ARHGAP28: variants seen among roughly 807,000 people sequenced by gnomAD.
The protein encoded by ARHGAP28 is rho GTPase-activating protein 28.
A neutral mutation model predicts 90.7 loss-of-function variants in ARHGAP28; 56 were observed. The ratio of observed to expected loss-of-function variants is 0.62; its 90% CI spans 0.50 to 0.77. The LOEUF is 0.77. Ranked by LOEUF, ARHGAP28 falls within the 30% of genes least tolerant of loss-of-function variation. The probability of loss-of-function intolerance (pLI) is 0.00; values close to 1 mark genes in which losing one functional copy is unlikely to be tolerated. For missense variants in ARHGAP28, 869 were observed against 900.9 expected (o/e 0.96, Z 0.45); for synonymous variants, 308 against 323.3 (o/e 0.95, Z 0.51).
At chr18:6,763,476 T>C (rs2143350698) in intron 1 of ARHGAP28, among the ~76,000 whole-genome samples, 1 of 152,320 alleles carries the variant, frequency 6.6e-6, no homozygotes, top group African/African-American at 2.4e-5. Context: ...ATCTTTTTCC[T>C]CAGTTCTTAT....
At chr18:6,784,097 G>A (rs370483604) in intron 1 of ARHGAP28, among the ~76,000 whole-genome samples, 40 of 151,932 alleles carry the variant, frequency 2.6e-4, no homozygotes, top group East Asian at 9.7e-4. Context: ...ACTTTCTCCC[G>A]GGAGCCCAGT....
chr18:6,753,000 G>T (rs2056082287), intron 1 of ARHGAP28, among the ~76,000 whole-genome samples: 2 of 151,644 alleles, frequency 1.3e-5, no homozygotes, highest in African/African-American at 4.8e-5. Context: ...TTTTAATGAA[G>T]TATTAATAGA....
chr18:6,828,635 G>A (rs1366239957), intron 2 of ARHGAP28, among the ~76,000 whole-genome samples: 1 of 152,128 alleles, frequency 6.6e-6, no homozygotes, highest in Non-Finnish European at 1.5e-5. Context: ...TCATTCTTCT[G>A]CATATGGCTG....
chr18:6,867,392 A>G (rs540305704), intron 5 of ARHGAP28, among the ~76,000 whole-genome samples: 8 of 152,220 alleles, frequency 5.3e-5, no homozygotes, highest in Admixed American at 2.6e-4. Context: ...AGATTTCACT[A>G]TCACACATAT....
rs1555631525 is a variant in ARHGAP28 at position 6,841,203 on chromosome 18, CCTCTCCTCT to C, written c.543+3795_543+3803del. ...CTCCTCTCTCTCTCTCTCTCTCTCT[CCTCTCCTCT>C]CTCTCTCTCTCCCCCCAACCCGCCC... On this transcript the variant is annotated intron_variant, in intron 3 of 17. Transcript: ENST00000383472. Among the ~76,000 whole-genome samples, 18 of 41,974 alleles carry C rather than the reference CCTCTCCTCT, an allele frequency of 4.3e-4. No homozygotes were observed. In the East Asian group the frequency reaches 5.4e-3, roughly 13 times the overall value. The allele number at this position is 41,974 out of a possible 152,430, so 27.5% of individuals were successfully genotyped here.
chr18:6,809,051 G>A (rs1384152935), intron 1 of ARHGAP28, among the ~76,000 whole-genome samples: 1 of 152,170 alleles, frequency 6.6e-6, no homozygotes, highest in African/African-American at 2.4e-5. Flanking sequence ...CTTCACCTCA[G>A]TGAGACTACT....
intron 1 of ARHGAP28, among the ~76,000 whole-genome samples, chr18:6,737,518 C>G (rs892767243): frequency 6.6e-6 from 1 of 152,124 alleles, no homozygotes; most frequent in African/African-American, 2.4e-5. Context: ...CAGCTTGTTA[C>G]AACTATGTAA....
chr18:6,795,949 C>A (rs1361874438), intron 1 of ARHGAP28, among the ~76,000 whole-genome samples: 1 of 152,208 alleles, frequency 6.6e-6, no homozygotes, highest in Non-Finnish European at 1.5e-5. Context: ...AACATTGGAA[C>A]CTAAATCAAA....
chr18:6,841,188 T>TCTC lies in ARHGAP28; in HGVS notation c.543+3775_543+3777dup, dbSNP rs1555631496. Among the ~76,000 whole-genome samples the TCTC allele has an allele frequency of 1.7e-4, 10 of 60,506 alleles. 1 individual carries two copies. The highest frequency in any genetic ancestry group is 6.6e-4 in the Admixed American group (4 of 6,030). The allele number at this position is 60,506 out of a possible 152,430, so 39.7% of individuals were successfully genotyped here. A position where few individuals can be genotyped will look rare whatever the true frequency, so the allele number is the denominator to read the frequency against. The stretch of plus-strand genomic sequence containing the variant: ...CTCTCCTCTCTCTCTCTCCTCTCTC[T>TCTC]CTCTCTCTCTCTCTCCTCTCCTCTC... On this transcript the variant is annotated intron_variant, in intron 3 of 17. Coordinates refer to ENST00000383472, the MANE Select transcript of ARHGAP28 (RefSeq NM_001366230.1).
intron 16 of ARHGAP28, among the ~76,000 whole-genome samples, chr18:6,900,567 G>T (rs990031986): frequency 2.6e-5 from 4 of 152,062 alleles, no homozygotes; most frequent in African/African-American, 9.7e-5. Context: ...GATAACAGCG[G>T]ATAGAATTAG....
intron 2 of ARHGAP28, among the ~76,000 whole-genome samples, chr18:6,828,000 T>G (rs574293608): frequency 1.1e-3 from 161 of 147,780 alleles, no homozygotes; most frequent in East Asian, 7.6e-3. Context: ...CAAGGCAGGC[T>G]GCTGGGAGGT....
intron 6 of ARHGAP28, among the ~76,000 whole-genome samples, chr18:6,870,111 T>C (rs763185773): frequency 8.5e-5 from 13 of 152,146 alleles, no homozygotes; most frequent in Non-Finnish European, 1.6e-4. Flanking sequence ...GAACAAACCT[T>C]AAGAGGCAGA....
intron 1 of ARHGAP28, among the ~76,000 whole-genome samples, chr18:6,762,514 A>G (rs953067634): frequency 3.9e-5 from 6 of 152,224 alleles, no homozygotes; most frequent in Non-Finnish European, 7.3e-5. Flanking sequence ...TCCTTCTGTT[A>G]GAAATAGTCT....
At chr18:6,862,229 C>G (rs1167822639) in intron 5 of ARHGAP28, among the ~76,000 whole-genome samples, 1 of 152,178 alleles carries the variant, frequency 6.6e-6, no homozygotes, top group Non-Finnish European at 1.5e-5. Context: ...ATTTCCCAGT[C>G]TCTTCTAGAA....
intron 16 of ARHGAP28, among the ~76,000 whole-genome samples, chr18:6,903,369 T>G (rs2057347558): frequency 6.6e-6 from 1 of 152,156 alleles, no homozygotes; most frequent in African/African-American, 2.4e-5. Context: ...AATTAATGTT[T>G]TAAGTGTGAG....
intron 16 of ARHGAP28, among the ~76,000 whole-genome samples, chr18:6,901,592 C>T (rs372472304): frequency 1.7e-4 from 25 of 143,734 alleles, no homozygotes; most frequent in African/African-American, 5.9e-4. Context: ...CTGCCAAGAA[C>T]ACATAATTCC....
At position 6,882,295 on chromosome 18, in the gene ARHGAP28, G is replaced by T; in HGVS notation, c.1449G>T (p.Met483Ile). 6.2e-7 allele frequency: 1 copy of T among 1,611,200 alleles called. No individual in the cohort carries two copies. The highest frequency in any genetic ancestry group is 8.5e-7 in the Non-Finnish European group (1 of 1,179,084). Residue 483 changes from methionine (M) to isoleucine (I), a missense_variant, in exon 11 of 18, where the codon ATG becomes ATT. Met to Ile is a conservative substitution (Grantham distance 10). Coordinates refer to ENST00000383472, the MANE Select transcript of ARHGAP28 (RefSeq NM_001366230.1). ...ATATACCTGCCTTCATCAGTCTAAT[G>T]GAAAGTAGGTGGAAGACGTTATATG... ...VEYIPAFISL[M>I]ERGPHVKVQF...
rs963489626 is a variant in ARHGAP28 at position 6,747,066 on chromosome 18, A to C, written c.122+17123A>C. 8.1e-4 allele frequency among the ~76,000 whole-genome samples: 102 copies of C among 126,140 alleles called. 1 individual carries two copies. The highest frequency in any genetic ancestry group is 2.7e-3 in the African/African-American group (92 of 33,708). 82.8% of individuals were successfully genotyped at this position (126,140 alleles called of 152,430 possible). ...TGATATTCAGTTCATTCATCCATTT[A>C]TTTTCTTTTTTTTTTTTTTTTAGCA... On this transcript the variant is annotated intron_variant, in intron 1 of 17. Coordinates refer to ENST00000383472, the MANE Select transcript of ARHGAP28 (RefSeq NM_001366230.1).
At chr18:6,766,238 A>G (rs1276777911) in intron 1 of ARHGAP28, among the ~76,000 whole-genome samples, 7 of 152,158 alleles carry the variant, frequency 4.6e-5, no homozygotes, top group Admixed American at 4.6e-4. Context: ...CGCTCCTTTC[A>G]GTTCTGAAGG....
Sources: gnomAD v4.1 joint callset for allele counts (sites outside exome capture counted in the v4.1 genomes callset) on GRCh38, gnomAD v4.1.1 for gene constraint, MANE v1.5 for transcripts, NCBI Gene and HGNC (gene_info 2026-07-23, HGNC 2026-07-21) for gene names.